The following HAPLN3 variants were observed in gnomAD, a reference collection of about 807,000 sequenced individuals.
The protein encoded by HAPLN3 is extracellular link domain containing, 1.
In HAPLN3, 28 loss-of-function variants were observed where a neutral mutation model predicts 28.1. The observed-to-expected ratio is 1.00, with a 90% CI of 0.74 to 1.37. The LOEUF (loss-of-function observed/expected upper bound fraction) is 1.37. Ranked by LOEUF, HAPLN3 falls within the 40% of genes most tolerant of loss-of-function variation. HAPLN3 has a pLI of 0.00. For synonymous variants in HAPLN3, 211 were observed against 213.1 expected, an observed-to-expected ratio of 0.99 and a Z score of 0.09; for missense variants, 513 against 504.6, an observed-to-expected ratio of 1.02 and a Z score of -0.16.
Position 88,881,482 on chromosome 15 carries a change from T to G in HAPLN3, c.368A>C (p.Gln123Pro). 1.2e-6 allele frequency: 2 copies of G among 1,614,068 alleles called. No individual in the cohort carries two copies. The highest frequency in any genetic ancestry group is 1.3e-5 in the African/African-American group (1 of 75,054). The change falls in exon 3 of 5, where the codon CAG becomes CCG. Residue 123 changes from glutamine (Q) to proline (P), a missense_variant. By Grantham distance (76) the Gln-to-Pro change is moderately conservative. Transcript: ENST00000359595. This position sits in a 1 kb window ranked among gnomAD's most constrained non-coding sequence, Gnocchi z 6.0. ...GDYQGRVHLR[Q>P]DKEHDVSLEI... ...CAGCGAGACGTCATGCTCTTTGTCC[T>G]GCCGCAGGTGCACGCGGCCTTGGTA... is the stretch of plus-strand genomic sequence containing the variant.
chr15:88,887,758 G>A (rs1657284720), intron 1 of HAPLN3, among the ~76,000 whole-genome samples: 1 of 152,140 alleles, frequency 6.6e-6, no homozygotes, highest in South Asian at 2.1e-4. Flanking sequence ...GAGGTTGGGA[G>A]TTTGAGGCCA....
chr15:88,887,464 T>C (rs1013481811), intron 1 of HAPLN3, 119 bp from the exon 2 acceptor site: 10 of 900,316 alleles, frequency 1.1e-5, no homozygotes, highest in Non-Finnish European at 1.7e-5. Context: ...ACCTGCCGCC[T>C]ACGTGCCAGA....
chr15:88,890,842 G>T (rs1420104103), intron 1 of HAPLN3, among the ~76,000 whole-genome samples: 1 of 151,778 alleles, frequency 6.6e-6, no homozygotes, highest in Admixed American at 6.6e-5. Context: ...CTATGAGAGA[G>T]AAACAGAGTC....
intron 4 of HAPLN3, 93 bp downstream of exon 4, chr15:88,878,874 A>T: frequency 7.4e-7 from 1 of 1,344,016 alleles, no homozygotes; most frequent in Non-Finnish European, 1.0e-6. Context: ...CAGCAGAGCC[A>T]GCAGAGGGGG....
chr15:88,884,905 A>G (rs1345558789), intron 2 of HAPLN3, among the ~76,000 whole-genome samples: 1 of 152,356 alleles, frequency 6.6e-6, no homozygotes, highest in East Asian at 1.9e-4. Context: ...CGGAAGAGGC[A>G]AGGCAAGAAC....
intron 4 of HAPLN3, 102 bp downstream of exon 4, chr15:88,878,865 A>T: frequency 1.6e-6 from 2 of 1,280,138 alleles, no homozygotes; most frequent in Non-Finnish European, 2.1e-6. Flanking sequence ...TGGCAGTACC[A>T]GCAGAGCCAG....
At chr15:88,882,789 A>G (rs978988857) in intron 2 of HAPLN3, among the ~76,000 whole-genome samples, 25 of 152,182 alleles carry the variant, frequency 1.6e-4, no homozygotes, top group Admixed American at 9.2e-4. Context: ...GGATCGCTTC[A>G]GCCCAGGAGT....
rs779692359 is a variant in HAPLN3 at position 88,879,061 on chromosome 15, A to C, written c.702T>G (p.Gly234=). The change falls in exon 4 of 5, where the codon GGT becomes GGG. Residue 234 remains glycine, a synonymous_variant. Transcript: ENST00000359595. The surrounding 1 kb of genome is among the most constrained non-coding windows in gnomAD (Gnocchi z 5.0). ...YPIMLPRQPC[G]GPGLAPGVRS... ...GCACGCCAGGTGCCAGGCCCGGGCC[A>C]CCGCAGGGCTGCCGGGGCAACATGA... The C allele has an allele frequency of 6.2e-7, 1 of 1,606,210 alleles. No individual in the cohort carries two copies. Among genetic ancestry groups the C allele is most frequent in the Non-Finnish European group, 8.5e-7 (1 of 1,176,648 alleles).
intron 2 of HAPLN3, among the ~76,000 whole-genome samples, chr15:88,883,127 AC>A (rs1351307429): frequency 6.6e-6 from 1 of 152,206 alleles, no homozygotes; most frequent in African/African-American, 2.4e-5. Context: ...AAAGAGCTAT[AC>A]CTAATGTAGC....
At chr15:88,886,486 G>A (rs1487697544) in intron 2 of HAPLN3, among the ~76,000 whole-genome samples, 1 of 151,808 alleles carries the variant, frequency 6.6e-6, no homozygotes, top group Non-Finnish European at 1.5e-5. Flanking sequence ...ACTTTAAAAC[G>A]TTCCCTGCCC....
intron 4 of HAPLN3, 142 bp from the exon 5 acceptor site, chr15:88,878,398 A>T: frequency 1.3e-6 from 1 of 751,812 alleles, no homozygotes; most frequent in Non-Finnish European, 2.1e-6. Context: ...AACACTTTCT[A>T]ATCTTCACCC....
Position 88,879,827 on chromosome 15 carries a change from G to C in HAPLN3, c.494-558C>G, listed in dbSNP as rs1897648409. On this transcript the variant is annotated intron_variant, in intron 3 of 4. Transcript: ENST00000359595. The surrounding 1 kb of genome is among the most constrained non-coding windows in gnomAD (Gnocchi z 5.0). ...AGGGCAGGGAGGTCTGGGGCAGGCG[G>C]TTTCTCTCCTTGTGGTCAGGGTCTG... 1 of 1,070,290 alleles carries C rather than the reference G, an allele frequency of 9.3e-7. No homozygotes were observed. Among genetic ancestry groups the C allele is most frequent in the Non-Finnish European group, 1.1e-6 (1 of 880,796 alleles). 66.3% of individuals were successfully genotyped at this position (1,070,290 alleles called of 1,614,324 possible).
chr15:88,882,521 A>G (rs1397368626), intron 2 of HAPLN3, among the ~76,000 whole-genome samples: 1 of 152,234 alleles, frequency 6.6e-6, no homozygotes, highest in Non-Finnish European at 1.5e-5. Flanking sequence ...CTACTGAGCT[A>G]AGGGCAGAAC....
rs1596166765 is a variant in HAPLN3 at position 88,881,635 on chromosome 15, T to C, written c.215A>G (p.Tyr72Cys). The change falls in exon 3 of 5, where the codon TAC becomes TGC. Residue 72 changes from tyrosine (Y) to cysteine (C), a missense_variant. Transcript: ENST00000359595. The surrounding 1 kb of genome is among the most constrained non-coding windows in gnomAD (Gnocchi z 6.0). ...GGAGACCAGGGCCGGCTCGTAGCGG[T>C]AGCGGCAGGGCAGGATCACACTGGC... ...QGASVILPCRYRYEPALVSPR... is the reference protein window; with the variant it reads ...QGASVILPCRCRYEPALVSPR... The C allele has an allele frequency of 6.2e-7, 1 of 1,613,866 alleles. No homozygotes were observed. Among genetic ancestry groups the C allele is most frequent in the Non-Finnish European group, 8.5e-7 (1 of 1,180,002 alleles).
intron 4 of HAPLN3, 77 bp from the exon 5 acceptor site, chr15:88,878,333 G>A (rs1897593844): frequency 1.5e-6 from 2 of 1,374,978 alleles, no homozygotes; most frequent in Non-Finnish European, 2.0e-6. Flanking sequence ...AGAGATGCCA[G>A]CCCCAAAGAC....
At chr15:88,883,371 C>G (rs1297432539) in intron 2 of HAPLN3, among the ~76,000 whole-genome samples, 1 of 152,226 alleles carries the variant, frequency 6.6e-6, no homozygotes, top group African/African-American at 2.4e-5. Context: ...CTTGGTTCCA[C>G]CTTTTCCCAG....
At chr15:88,883,816 G>A (rs538296513) in intron 2 of HAPLN3, among the ~76,000 whole-genome samples, 20 of 152,182 alleles carry the variant, frequency 1.3e-4, no homozygotes, top group Non-Finnish European at 2.4e-4. Flanking sequence ...AGTGGCTCAC[G>A]CCTGTAATCC....
Position 88,881,964 on chromosome 15 carries a change from C to A in HAPLN3, c.125-239G>T, listed in dbSNP as rs747234814. ...GTGCTGGCCTTGCCACTTGCTTGAC[C>A]AACTGAATGCCTTGGAAGTGACTGT... On this transcript the variant is annotated intron_variant, in intron 2 of 4. Transcript: ENST00000359595. This position sits in a 1 kb window ranked among gnomAD's most constrained non-coding sequence, Gnocchi z 6.0. 6.6e-6 allele frequency among the ~76,000 whole-genome samples: 1 copy of A among 152,198 alleles called. No homozygotes were observed. The highest frequency in any genetic ancestry group is 1.5e-5 in the Non-Finnish European group (1 of 68,038).
intron 1 of HAPLN3, 91 bp from the exon 2 acceptor site, chr15:88,887,436 A>G (rs1897894666): frequency 8.4e-7 from 1 of 1,194,180 alleles, no homozygotes. Flanking sequence ...TCGCTTGCTC[A>G]ACAGCTCACT....
Sources: allele counts gnomAD v4.1 joint callset (sites outside exome capture counted in the v4.1 genomes callset), GRCh38; gene constraint gnomAD v4.1.1; non-coding constraint Gnocchi (gnomAD v3.1); transcripts MANE v1.5; gene names NCBI Gene and HGNC (gene_info 2026-07-23, HGNC 2026-07-21).